OGDH: variants seen among roughly 807,000 people sequenced by gnomAD.
OGDH encodes oxoglutarate dehydrogenase, also known as 2-oxoglutarate dehydrogenase complex component E1.
A neutral mutation model predicts 116.6 loss-of-function variants in OGDH; 38 were observed. The observed-to-expected ratio is 0.33, with a 90% CI of 0.25 to 0.43. The LOEUF is 0.43. Among genes scored for constraint, OGDH ranks in the 20% least tolerant of loss-of-function variants. The probability of loss-of-function intolerance (pLI) is 1.00; values close to 1 mark genes in which losing one functional copy is unlikely to be tolerated. For missense variants in OGDH, 825 were observed against 1,357.2 expected, an observed-to-expected ratio of 0.61 and a Z score of 6.16; for synonymous variants, 488 against 533.3, an observed-to-expected ratio of 0.92 and a Z score of 1.17.
chr7:44,675,327 C>A (rs766026683), intron 8 of OGDH, 59 bp downstream of exon 8: 407 of 1,365,346 alleles, frequency 3.0e-4, no homozygotes, highest in Non-Finnish European at 4.0e-4. Context: ...AGACCCCTGG[C>A]TCCACTTCTT....
At chr7:44,677,144 C>A (rs905143330) in intron 9 of OGDH, among the ~76,000 whole-genome samples, 1 of 152,006 alleles carries the variant, frequency 6.6e-6, no homozygotes, top group African/African-American at 2.4e-5. Context: ...GACCTAAAAA[C>A]CAAATAATCA....
chr7:44,610,764 G>C (rs947760022), intron 1 of OGDH, among the ~76,000 whole-genome samples: 2 of 151,776 alleles, frequency 1.3e-5, no homozygotes, highest in Non-Finnish European at 2.9e-5. Flanking sequence ...GTGCCACCAC[G>C]CCCGGCTAAT....
chr7:44,609,339 C>CAAAAAAA (rs1185554089), intron 1 of OGDH, among the ~76,000 whole-genome samples: 1 of 81,572 alleles, frequency 1.2e-5, no homozygotes, highest in African/African-American at 5.8e-5. Context: ...CTCGTCTCTA[C>CAAAAAAA]AAAAAAAAAA....
intron 5 of OGDH, among the ~76,000 whole-genome samples, chr7:44,671,797 C>G (rs554519522): frequency 1.4e-4 from 20 of 145,740 alleles, no homozygotes; most frequent in African/African-American, 5.1e-4. Context: ...ATGCCAGACG[C>G]GGTGGCTCAC....
intron 2 of OGDH, among the ~76,000 whole-genome samples, chr7:44,643,954 C>G (rs1408663156): frequency 2.0e-5 from 3 of 152,264 alleles, no homozygotes; most frequent in Admixed American, 6.5e-5. Flanking sequence ...CGCCTGTAAT[C>G]CCAACACTTT....
At chr7:44,670,803 G>A (rs956558815) in intron 5 of OGDH, among the ~76,000 whole-genome samples, 1 of 152,092 alleles carries the variant, frequency 6.6e-6, no homozygotes, top group Non-Finnish European at 1.5e-5. Flanking sequence ...GAGGTCAGGA[G>A]ATCGAGACCA....
chr7:44,651,677 T>A (rs924593380), intron 4 of OGDH, among the ~76,000 whole-genome samples: 1 of 151,956 alleles, frequency 6.6e-6, no homozygotes, highest in Non-Finnish European at 1.5e-5. Flanking sequence ...TTCTCCTGCC[T>A]CAACCTCCTG....
intron 2 of OGDH, among the ~76,000 whole-genome samples, chr7:44,633,035 C>T (rs544374611): frequency 5.6e-4 from 85 of 151,212 alleles, no homozygotes; most frequent in African/African-American, 2.0e-3. Flanking sequence ...GGGCAGATCA[C>T]GAGGTCAGGA....
chr7:44,676,675 A>G, intron 9 of OGDH: 1 of 334,228 alleles, frequency 3.0e-6, no homozygotes, highest in Non-Finnish European at 4.2e-6. Context: ...GCAATAGTAA[A>G]ACAGTCCTGC....
chr7:44,676,352 T>C, intron 9 of OGDH: 2 of 1,179,596 alleles, frequency 1.7e-6, no homozygotes, highest in Non-Finnish European at 2.3e-6. Flanking sequence ...GTTCGGGAGT[T>C]GGAGACCAGC....
chr7:44,629,610 C>T (rs1300704797), intron 2 of OGDH, among the ~76,000 whole-genome samples: 1 of 134,560 alleles, frequency 7.4e-6, no homozygotes, highest in Non-Finnish European at 1.5e-5. Context: ...AGACGAGTCT[C>T]GCTCTGTCAC....
At chr7:44,693,706 G>A (rs1788459785) in intron 10 of OGDH, 119 bp from the exon 11 acceptor site, 1 of 702,304 alleles carries the variant, frequency 1.4e-6, no homozygotes, top group Non-Finnish European at 2.2e-6. Context: ...GCCATTTTGG[G>A]GTACGTACTC....
intron 1 of OGDH, among the ~76,000 whole-genome samples, chr7:44,618,943 G>A (rs1244258712): frequency 6.6e-6 from 1 of 152,204 alleles, no homozygotes; most frequent in African/African-American, 2.4e-5. Flanking sequence ...CGGTCTGTTG[G>A]TATTAGATCA....
chr7:44,643,801 C>T (rs1786053479), intron 2 of OGDH, among the ~76,000 whole-genome samples: 1 of 152,180 alleles, frequency 6.6e-6, no homozygotes, highest in Non-Finnish European at 1.5e-5. Context: ...AAAGTTTTGC[C>T]TTGCCTCTCC....
At position 44,701,589 on chromosome 7, in the gene OGDH, G is replaced by C; in HGVS notation, c.2606G>C (p.Arg869Thr). The change falls in exon 20 of 23, where the codon AGA becomes ACA. Residue 869 changes from arginine (R) to threonine (T), a missense_variant. By Grantham distance (71) the Arg-to-Thr change is moderately conservative. This residue lies in a region of OGDH where 212 missense variants were observed against 284.3 expected (regional missense o/e 0.75). Transcript: ENST00000222673. Reference protein sequence around the residue: ...PKSLLRHPEARSSFDEMLPGT... With the variant: ...PKSLLRHPEATSSFDEMLPGT... ...TCCCTGTTGCGCCACCCCGAGGCCAGATCCAGCTTTGATGAGATGCTTCCA... is the reference window on the plus strand; with the variant it reads ...TCCCTGTTGCGCCACCCCGAGGCCACATCCAGCTTTGATGAGATGCTTCCA... 4 of 1,614,214 alleles carry C rather than the reference G, an allele frequency of 2.5e-6. No homozygotes were observed. The highest frequency in any genetic ancestry group is 3.4e-6 in the Non-Finnish European group (4 of 1,180,040).
At chr7:44,646,150 C>G (rs1585278536) in intron 3 of OGDH, among the ~76,000 whole-genome samples, 1 of 152,178 alleles carries the variant, frequency 6.6e-6, no homozygotes, top group Non-Finnish European at 1.5e-5. Context: ...CCACCTGATA[C>G]ATGGGGAGAG....
At chr7:44,683,022 A>G (rs1394754074) in intron 10 of OGDH, among the ~76,000 whole-genome samples, 1 of 150,904 alleles carries the variant, frequency 6.6e-6, no homozygotes, top group Non-Finnish European at 1.5e-5. Flanking sequence ...GGTGGCGGGC[A>G]CCTATAGTCC....
intron 7 of OGDH, 89 bp from the exon 8 acceptor site, chr7:44,675,089 A>C: frequency 5.6e-6 from 5 of 900,520 alleles, no homozygotes; most frequent in Non-Finnish European, 8.6e-6. Context: ...TCCTGGGGGG[A>C]GGGGGAGGGG....
intron 1 of OGDH, among the ~76,000 whole-genome samples, chr7:44,610,670 G>T (rs1443279777): frequency 6.6e-6 from 1 of 151,872 alleles, no homozygotes; most frequent in Non-Finnish European, 1.5e-5. Context: ...CTGGAGTGCA[G>T]TGGTGCAATC....
Sources: allele counts gnomAD v4.1 joint callset (sites outside exome capture counted in the v4.1 genomes callset), GRCh38; gene constraint gnomAD v4.1.1; regional missense constraint gnomAD v4.1.1; transcripts MANE v1.5; gene names NCBI Gene and HGNC (gene_info 2026-07-23, HGNC 2026-07-21).